Variants in SLC4A4 observed in about 807,000 individuals in gnomAD.
SLC4A4 encodes the protein electrogenic sodium bicarbonate cotransporter 1.
Under a neutral mutation model 111.5 loss-of-function variants are expected in SLC4A4, and 27 were observed. The observed-to-expected ratio is 0.24, with a 90% CI of 0.18 to 0.33. SLC4A4 has a LOEUF of 0.33. Ranked by LOEUF, SLC4A4 falls within the 10% of genes least tolerant of loss-of-function variation. The probability of loss-of-function intolerance (pLI) is 1.00; values close to 1 mark genes in which losing one functional copy is unlikely to be tolerated. For synonymous variants in SLC4A4, 443 were observed against 463.4 expected (o/e 0.96, Z 0.57); for missense variants, 909 against 1,315.5 (o/e 0.69, Z 4.78).
chr4:71,144,424 A>T (rs1288676691), intron 2 of SLC4A4, among the ~76,000 whole-genome samples: 1 of 152,204 alleles, frequency 6.6e-6, no homozygotes, highest in Non-Finnish European at 1.5e-5. Context: ...TTACCTGGCA[A>T]TGCGGGCTCT....
At chr4:71,104,041 A>G (rs1317863248) in intron 2 of SLC4A4, among the ~76,000 whole-genome samples, 2 of 77,374 alleles carry the variant, frequency 2.6e-5, no homozygotes, top group East Asian at 6.6e-4. Context: ...TAATAAAGAA[A>G]AAAAGAGAGA....
intron 2 of SLC4A4, among the ~76,000 whole-genome samples, chr4:71,144,005 T>A (rs182411853): frequency 0.017 from 2,619 of 152,248 alleles, 83 homozygotes; most frequent in African/African-American, 0.06. Context: ...GGTGTTTTAG[T>A]CATGAAGTCC....
intron 1 of SLC4A4, among the ~76,000 whole-genome samples, chr4:71,072,716 A>C (rs1003205494): frequency 4.0e-5 from 6 of 151,814 alleles, no homozygotes; most frequent in African/African-American, 1.5e-4. Flanking sequence ...TGAACCTAAT[A>C]TTTTGGTCCT....
intron 16 of SLC4A4, among the ~76,000 whole-genome samples, chr4:71,518,463 C>T (rs565613715): frequency 6.6e-6 from 1 of 152,006 alleles, no homozygotes; most frequent in South Asian, 2.1e-4. Flanking sequence ...CATGGTTCTG[C>T]AGCAGGCCTG....
intron 17 of SLC4A4, among the ~76,000 whole-genome samples, chr4:71,533,808 A>G (rs1734156917): frequency 6.6e-6 from 1 of 152,050 alleles, no homozygotes; most frequent in Non-Finnish European, 1.5e-5. Context: ...TGATTTGGTA[A>G]TTTCTTGCTA....
At chr4:71,368,146 A>G (rs1411557566) in intron 6 of SLC4A4, among the ~76,000 whole-genome samples, 1 of 152,210 alleles carries the variant, frequency 6.6e-6, no homozygotes, top group Non-Finnish European at 1.5e-5. Context: ...TTGGAGCATG[A>G]CATTTAATAG....
chr4:71,263,493 G>A (rs1722019527), intron 3 of SLC4A4, among the ~76,000 whole-genome samples: 1 of 152,146 alleles, frequency 6.6e-6, no homozygotes, highest in African/African-American at 2.4e-5. Flanking sequence ...GAGTGGATAG[G>A]TAAATAAAAT....
intron 2 of SLC4A4, among the ~76,000 whole-genome samples, chr4:71,247,314 GAT>G: frequency 6.8e-6 from 1 of 147,322 alleles, no homozygotes; most frequent in South Asian, 2.1e-4. Flanking sequence ...TTGCATATAT[GAT>G]ATATAATTAT....
chr4:71,268,077 T>TTC (rs1376782443), intron 3 of SLC4A4, among the ~76,000 whole-genome samples: 1 of 138,612 alleles, frequency 7.2e-6, no homozygotes, highest in Non-Finnish European at 1.5e-5. Context: ...AAAGTAGTGT[T>TTC]TTTTTTTTTT....
At chr4:71,332,380 T>C (rs1728071857) in intron 3 of SLC4A4, among the ~76,000 whole-genome samples, 1 of 151,998 alleles carries the variant, frequency 6.6e-6, no homozygotes, top group Non-Finnish European at 1.5e-5. Context: ...CCTTTTAGGC[T>C]GTTTTCTAGA....
At chr4:71,120,678 G>C (rs1743387991) in intron 2 of SLC4A4, among the ~76,000 whole-genome samples, 1 of 152,186 alleles carries the variant, frequency 6.6e-6, no homozygotes, top group Admixed American at 6.5e-5. Context: ...GACCAGCCTG[G>C]TCAACATGGT....
intron 7 of SLC4A4, among the ~76,000 whole-genome samples, chr4:71,416,205 G>A (rs1236363700): frequency 6.6e-6 from 1 of 152,162 alleles, no homozygotes; most frequent in Non-Finnish European, 1.5e-5. Context: ...CTAGTTTTGT[G>A]ATGTTAGCTA....
chr4:71,467,541 C>T (rs1473031365), intron 13 of SLC4A4, among the ~76,000 whole-genome samples: 1 of 152,018 alleles, frequency 6.6e-6, no homozygotes, highest in Non-Finnish European at 1.5e-5. Context: ...AGTAAATTGC[C>T]TAATATTATA....
intron 1 of SLC4A4, among the ~76,000 whole-genome samples, chr4:71,081,659 C>T (rs1741997944): frequency 6.6e-6 from 1 of 152,104 alleles, no homozygotes; most frequent in East Asian, 1.9e-4. Context: ...TTGAGCTGCA[C>T]TGGTCTTGCT....
At chr4:71,153,798 T>C (rs1744385869) in intron 2 of SLC4A4, among the ~76,000 whole-genome samples, 1 of 152,168 alleles carries the variant, frequency 6.6e-6, no homozygotes, top group African/African-American at 2.4e-5. Context: ...GGAAATGTTT[T>C]AGGACTTCTA....
Position 71,328,953 on chromosome 4 carries a change from T to C in SLC4A4, c.254-10417T>C, listed in dbSNP as rs149723414. ...TTGTAGTAGCTTCATAGTTTGAGGTTTTAAATTTAAGTCTTTAATCCATTT... is the reference window on the plus strand; with the variant it reads ...TTGTAGTAGCTTCATAGTTTGAGGTCTTAAATTTAAGTCTTTAATCCATTT... On this transcript the variant is annotated intron_variant, in intron 3 of 25. Coordinates refer to ENST00000264485, the MANE Select transcript of SLC4A4 (RefSeq NM_001098484.3). 7.4e-3 allele frequency among the ~76,000 whole-genome samples: 1,132 copies of C among 152,192 alleles called. 15 individuals are homozygous for C. The highest frequency in any genetic ancestry group is 0.024 in the African/African-American group (995 of 41,572).
chr4:71,230,973 A>G (rs566555430), intron 1 of SLC4A4, among the ~76,000 whole-genome samples: 3 of 152,352 alleles, frequency 2.0e-5, no homozygotes, highest in Middle Eastern at 6.8e-3. Flanking sequence ...TTGCTACTGC[A>G]TCCTTTGGCA....
At chr4:71,280,380 G>A (rs985892582) in intron 3 of SLC4A4, among the ~76,000 whole-genome samples, 1 of 152,016 alleles carries the variant, frequency 6.6e-6, no homozygotes, top group African/African-American at 2.4e-5. Flanking sequence ...TTCCTTTGCT[G>A]TGCAAAAACT....
Position 71,376,074 on chromosome 4 carries a change from CGTATATATATACATATATACGTGT to C in SLC4A4, c.730+18899_730+18922del, listed in dbSNP as rs1560452628. On this transcript the variant is annotated intron_variant, in intron 6 of 25. Transcript: ENST00000264485. ...ACACGTATATATATATACATATACA[CGTATATATATACATATATACGTGT>C]GTATATATATATACGTTTGTGTATA... Among the ~76,000 whole-genome samples, 9 of 145,508 alleles carry C rather than the reference CGTATATATATACATATATACGTGT, an allele frequency of 6.2e-5. No individual in the cohort carries two copies. The South Asian group carries it at 2.0e-3, about 32-fold the overall frequency.
Sources: gnomAD v4.1 joint callset for allele counts (sites outside exome capture counted in the v4.1 genomes callset) on GRCh38, gnomAD v4.1.1 for gene constraint, MANE v1.5 for transcripts, NCBI Gene and HGNC (gene_info 2026-07-23, HGNC 2026-07-21) for gene names.